The following KPNB1 variants were observed in gnomAD, a reference collection of about 807,000 sequenced individuals.
KPNB1 encodes karyopherin subunit beta 1, also known as importin subunit beta-1.
KPNB1 carries 7 observed loss-of-function variants against 113.0 expected under a neutral mutation model. That is an observed-to-expected ratio of 0.06 (90% CI 0.04 to 0.12). The LOEUF (loss-of-function observed/expected upper bound fraction) is 0.12. KPNB1 is among the 10% of genes least tolerant of loss of function. The pLI is 1.00. For synonymous variants in KPNB1, 363 were observed against 378.6 expected (o/e 0.96, Z 0.48); for missense variants, 400 against 1,054.8 (o/e 0.38, Z 8.60).
rs1264832450 is a variant in KPNB1, at chr17:47,666,848, AC to A, written c.1000-1336del. ...TGGCCAGGATGATCTCGATTTTTTG[AC>A]CTCATGATCCGCCCACCTCAGTCTC... is the stretch of plus-strand genomic sequence containing the variant. On this transcript the variant is annotated intron_variant, in intron 9 of 21. Transcript: ENST00000290158. 4.6e-4 allele frequency among the ~76,000 whole-genome samples: 70 copies of A among 150,802 alleles called. 1 individual carries two copies. Among genetic ancestry groups the A allele is most frequent in the African/African-American group, 1.6e-3 (65 of 40,964 alleles).
intron 4 of KPNB1, 119 bp downstream of exon 4, chr17:47,657,179 T>C: frequency 1.2e-6 from 1 of 823,428 alleles, no homozygotes; most frequent in Non-Finnish European, 2.0e-6. Flanking sequence ...TTGCACAGTT[T>C]TGAAAGTGAG....
chr17:47,650,549 A>ATCCCGTCCCCCTCCCCCCTCCCCC, intron 2 of KPNB1, 105 bp downstream of exon 2: 2 of 574,256 alleles, frequency 3.5e-6, no homozygotes, highest in South Asian at 1.8e-5. Context: ...ACCCCGCCCC[A>ATCCCGTCCCCCTCCCCCCTCCCCC]TCCCGTCCCC....
intron 2 of KPNB1, among the ~76,000 whole-genome samples, chr17:47,652,016 A>G (rs1417687917): frequency 6.6e-6 from 1 of 152,042 alleles, no homozygotes; most frequent in Non-Finnish European, 1.5e-5. Flanking sequence ...CTTTTTCCCT[A>G]TTTCTAAATA....
Position 47,678,417 on chromosome 17 carries a change from G to A in KPNB1, c.2353+4G>A. On this transcript the variant is annotated splice_donor_region_variant and intron_variant, in intron 19 of 21. Transcript: ENST00000290158. ...GGGGATCAGGAGAACGTACACCGTT[G>A]AGTATACAACCCAGTTCCCTTCGTC... 6 of 1,603,132 alleles carry A rather than the reference G, an allele frequency of 3.7e-6. No individual in the cohort carries two copies. Among genetic ancestry groups the A allele is most frequent in the Non-Finnish European group, 5.1e-6 (6 of 1,170,076 alleles).
chr17:47,651,992 G>T (rs1197892757), intron 2 of KPNB1, among the ~76,000 whole-genome samples: 1 of 152,204 alleles, frequency 6.6e-6, no homozygotes, highest in Non-Finnish European at 1.5e-5. Flanking sequence ...CTTGCCTGAA[G>T]ATTTTTTCTT....
Position 47,665,059 on chromosome 17 carries a change from A to G in KPNB1, c.900A>G (p.Ala300=). 5 of 1,614,008 alleles carry G rather than the reference A, an allele frequency of 3.1e-6. No individual in the cohort carries two copies. Among genetic ancestry groups the G allele is most frequent in the East Asian group, 2.2e-5 (1 of 44,890 alleles). ...EMDLAIEASE[A]AEQGRPPEHT... ...GAATTTGCTTTGTTTCTCCTCAGGC[A>G]GCAGAACAAGGACGGCCCCCTGAGC... is the stretch of plus-strand genomic sequence containing the variant. The change falls in exon 9 of 22, where the codon GCA becomes GCG. Residue 300 remains alanine (A), a splice_region_variant and synonymous_variant. Transcript: ENST00000290158.
At position 47,650,243 on chromosome 17, in the gene KPNB1, C is replaced by T. The variant is rs923624180; in HGVS notation, c.-2C>T. On this transcript the variant is annotated 5_prime_UTR_variant, in exon 1 of 22. Transcript: ENST00000290158. ...GGAGTCGCCGCCGCCGCCACCTCCG[C>T]CATGGAGCTGATCACCATTCTCGAG... is the stretch of plus-strand genomic sequence containing the variant. 3.8e-6 allele frequency: 6 copies of T among 1,591,550 alleles called. No homozygotes were observed. The highest frequency in any genetic ancestry group is 2.8e-5 in the African/African-American group (2 of 72,726).
chr17:47,655,468 G>GC (rs1308726210), intron 3 of KPNB1, among the ~76,000 whole-genome samples: 1 of 152,218 alleles, frequency 6.6e-6, no homozygotes, highest in East Asian at 1.9e-4. Flanking sequence ...GTTCATAGGT[G>GC]TTATTAACAT....
At chr17:47,675,385 G>T (rs201856760) in intron 15 of KPNB1, among the ~76,000 whole-genome samples, 32,878 of 77,034 alleles carry the variant, frequency 0.43, 7,246 homozygotes, top group Middle Eastern at 0.48. Flanking sequence ...TTTTTTTTTT[G>T]TTTGTTTTTT....
Position 47,650,282 on chromosome 17 carries a change from C to A in KPNB1, c.38C>A (p.Pro13His). 6.2e-7 allele frequency: 1 copy of A among 1,604,402 alleles called. No individual in the cohort carries two copies. ...LITILEKTVS[P>H]DRLELEAAQK... ...ACCATTCTCGAGAAGACCGTGTCTC[C>A]CGGTAGGACGCAGGAGCCGGGGGTA... The change falls in exon 1 of 22, where the codon CCC (proline) becomes CAC (histidine). Residue 13 changes from proline to histidine, a missense_variant and splice_region_variant. Around this residue, in one of 2 missense-constraint regions of KPNB1, gnomAD observed 285 missense variants for 627.0 expected, o/e 0.45. Coordinates refer to ENST00000290158, the MANE Select transcript of KPNB1 (RefSeq NM_002265.6).
chr17:47,668,452 T>C (rs1268109807), intron 10 of KPNB1, 42 bp downstream of exon 10: 1 of 1,474,408 alleles, frequency 6.8e-7, no homozygotes, highest in Non-Finnish European at 9.5e-7. Flanking sequence ...AGGATATTTA[T>C]TGTTTAAACT....
At position 47,684,102 on chromosome 17, in the gene KPNB1, G is replaced by C. The variant is rs1046116464; in HGVS notation, c.*1698G>C. 3 of 152,122 alleles carry C rather than the reference G, an allele frequency of 2.0e-5. No individual in the cohort carries two copies. Among genetic ancestry groups the C allele is most frequent in the Admixed American group, 6.5e-5 (1 of 15,268 alleles). 9.4% of individuals were successfully genotyped at this position (152,122 alleles called of 1,614,324 possible). On this transcript the variant is annotated 3_prime_UTR_variant, in exon 22 of 22. Transcript: ENST00000290158. Reference sequence around the variant, plus strand: ...TTTTAAAATTGCTTCCTGGTCCTTAGAGGACTAAAAACAAGACCCTCATTC... The same window carrying C: ...TTTTAAAATTGCTTCCTGGTCCTTACAGGACTAAAAACAAGACCCTCATTC...
In KPNB1 at chr17:47,683,452, T is replaced by C. The variant is rs1190697262; in HGVS notation, c.*1048T>C. 1 of 152,468 alleles carries C rather than the reference T, an allele frequency of 6.6e-6. No homozygotes were observed. Among genetic ancestry groups the C allele is most frequent in the Non-Finnish European group, 1.5e-5 (1 of 68,002 alleles). 9.4% of individuals were successfully genotyped at this position (152,468 alleles called of 1,614,324 possible). A position where few individuals can be genotyped will look rare whatever the true frequency, so the allele number is the denominator to read the frequency against. On this transcript the variant is annotated 3_prime_UTR_variant, in exon 22 of 22. Transcript: ENST00000290158. ...AATTGGCAGCACAAAGAAAACGCCC[T>C]CTCCTGACTTGTATTGTGGCAGTCT...
chr17:47,677,211 G>A, intron 17 of KPNB1, 84 bp downstream of exon 17: 9 of 1,089,264 alleles, frequency 8.3e-6, no homozygotes, highest in Non-Finnish European at 1.1e-5. Flanking sequence ...CGACCAGGCT[G>A]GGCGCAGTGG....
At chr17:47,671,785 C>G (rs1240929020) in intron 12 of KPNB1, 3 of 152,054 alleles carry the variant, frequency 2.0e-5, no homozygotes, top group Admixed American at 2.0e-4. Context: ...CCTTCGCCCC[C>G]CAAAGTGCCA....
rs1304753637 is a variant in KPNB1, at chr17:47,664,194, G to A, written c.822G>A (p.Glu274=). The change falls in exon 8 of 22, where the codon GAG becomes GAA. Residue 274 remains glutamate (E), a synonymous_variant. Coordinates refer to ENST00000290158, the MANE Select transcript of KPNB1 (RefSeq NM_002265.6). The part of the protein sequence containing the change: ...TIEAMKSDID[E]VALQGIEFWS... ...AAGCAATGAAAAGTGACATTGATGA[G>A]GTGGCTTTACAAGGGATAGAATTCT... The A allele has an allele frequency of 1.2e-6, 2 of 1,613,502 alleles. No homozygotes were observed. Among genetic ancestry groups the A allele is most frequent in the Admixed American group, 1.7e-5 (1 of 59,980 alleles).
At position 47,668,315 on chromosome 17, in the gene KPNB1, A is replaced by G; in HGVS notation, c.1129A>G (p.Asn377Asp). Residue 377 changes from asparagine (N) to aspartate (D), a missense_variant, in exon 10 of 22, where the codon AAC (asparagine) becomes GAC (aspartate). Around this residue, in one of 2 missense-constraint regions of KPNB1, gnomAD observed 285 missense variants for 627.0 expected, o/e 0.45. Coordinates refer to ENST00000290158, the MANE Select transcript of KPNB1 (RefSeq NM_002265.6). ...CCCCTTCATTAAAGAACACATCAAG[A>G]ACCCAGATTGGCGGTACCGGGATGC... The part of the protein sequence containing the change: ...VLPFIKEHIK[N>D]PDWRYRDAAV... 6.2e-7 allele frequency: 1 copy of G among 1,614,158 alleles called. No individual in the cohort carries two copies. The highest frequency in any genetic ancestry group is 8.5e-7 in the Non-Finnish European group (1 of 1,180,028).
chr17:47,665,263 T>C, intron 9 of KPNB1, 105 bp downstream of exon 9: 1 of 834,936 alleles, frequency 1.2e-6, no homozygotes, highest in Admixed American at 2.1e-5. Context: ...AACTATTTGA[T>C]GTTCTGTTGT....
intron 19 of KPNB1, 166 bp from the exon 20 acceptor site, chr17:47,679,854 G>A (rs997742929): frequency 2.2e-5 from 11 of 495,486 alleles, no homozygotes; most frequent in South Asian, 1.0e-4. Flanking sequence ...CCGCCACCAC[G>A]CCCGGCTAAT....
Sources: gnomAD v4.1 joint callset for allele counts (sites outside exome capture counted in the v4.1 genomes callset) on GRCh38, gnomAD v4.1.1 for gene constraint, gnomAD v4.1.1 regional missense constraint, MANE v1.5 for transcripts, NCBI Gene and HGNC (gene_info 2026-07-23, HGNC 2026-07-21) for gene names.